Variants in SCP2 observed in about 807,000 individuals in gnomAD.
SCP2 encodes sterol carrier protein 2, also known as SCP-2/3-oxoacyl-CoA thiolase.
In SCP2, 48 loss-of-function variants were observed where a neutral mutation model predicts 71.4. That is an observed-to-expected ratio of 0.67 (90% CI 0.53 to 0.86). The LOEUF (loss-of-function observed/expected upper bound fraction) is 0.86, where lower values mean the gene tolerates loss of function less well. SCP2 is among the 40% of genes least tolerant of loss of function. The pLI, the probability that SCP2 is intolerant of heterozygous loss-of-function variation, is 0.00. For synonymous variants in SCP2, 220 were observed against 218.1 expected, an observed-to-expected ratio of 1.01 and a Z score of -0.08; for missense variants, 560 against 655.6, an observed-to-expected ratio of 0.85 and a Z score of 1.59.
chr1:52,959,835 AT>A (rs1189193418), intron 5 of SCP2, among the ~76,000 whole-genome samples: 2 of 150,666 alleles, frequency 1.3e-5, no homozygotes, highest in Admixed American at 6.6e-5. Flanking sequence ...TGTCAGGGTG[AT>A]CATGGAAAAA....
intron 5 of SCP2, among the ~76,000 whole-genome samples, chr1:52,959,226 A>C (rs1656102100): frequency 6.8e-6 from 1 of 147,666 alleles, no homozygotes; most frequent in African/African-American, 2.5e-5. Flanking sequence ...ATGGAATTTC[A>C]CTCTTGTTGC....
chr1:53,046,865 A>G (rs953211354), intron 14 of SCP2, among the ~76,000 whole-genome samples: 1 of 152,186 alleles, frequency 6.6e-6, no homozygotes, highest in African/African-American at 2.4e-5. Flanking sequence ...TTCATTTTCT[A>G]TTACTGCATA....
At chr1:52,980,905 A>G (rs910226019) in intron 10 of SCP2, among the ~76,000 whole-genome samples, 1 of 152,154 alleles carries the variant, frequency 6.6e-6, no homozygotes, top group African/African-American at 2.4e-5. Context: ...TATCTCTTAT[A>G]GGCAGCATGT....
intron 11 of SCP2, among the ~76,000 whole-genome samples, chr1:53,004,996 G>T (rs1010813235): frequency 6.6e-6 from 1 of 152,196 alleles, no homozygotes; most frequent in Non-Finnish European, 1.5e-5. Context: ...TGGCTTGGAG[G>T]GTCCCACACC....
intron 5 of SCP2, among the ~76,000 whole-genome samples, chr1:52,960,742 G>GTGTGTGTATA (rs1261130450): frequency 4.0e-5 from 6 of 149,140 alleles, no homozygotes; most frequent in African/African-American, 1.5e-4. Context: ...GTGTGTGTGT[G>GTGTGTGTATA]TATATTTATT....
At chr1:52,973,463 C>T (rs761054615) in intron 6 of SCP2, among the ~76,000 whole-genome samples, 34 of 152,094 alleles carry the variant, frequency 2.2e-4, no homozygotes, top group South Asian at 4.1e-4. Context: ...AATTTTCTTG[C>T]TGCTGTCCAG....
In SCP2 at chr1:52,936,429, A is replaced by T. The variant is rs181210471; in HGVS notation, c.70-5367A>T. Reference sequence around the variant, plus strand: ...CAGATATATGCTTCCTAATGAAAGAATACACTACCACCTATAGTTTTGTCA... The same window carrying T: ...CAGATATATGCTTCCTAATGAAAGATTACACTACCACCTATAGTTTTGTCA... On this transcript the variant is annotated intron_variant, in intron 1 of 15. Coordinates refer to ENST00000371514, the MANE Select transcript of SCP2 (RefSeq NM_002979.5). 3.3e-5 allele frequency among the ~76,000 whole-genome samples: 5 copies of T among 152,350 alleles called. 1 individual carries two copies. The highest frequency in any genetic ancestry group is 1.2e-4 in the African/African-American group (5 of 41,580).
intron 3 of SCP2, among the ~76,000 whole-genome samples, chr1:52,949,464 A>G (rs1473677295): frequency 6.6e-6 from 1 of 152,220 alleles, no homozygotes; most frequent in African/African-American, 2.4e-5. Flanking sequence ...TCCTGCAGAA[A>G]GGGTACACTC....
At chr1:52,957,633 C>T (rs1042805048) in intron 5 of SCP2, among the ~76,000 whole-genome samples, 4 of 152,228 alleles carry the variant, frequency 2.6e-5, no homozygotes, top group Admixed American at 1.3e-4. Context: ...TGTGCCACTG[C>T]ACCCCAACCT....
intron 14 of SCP2, among the ~76,000 whole-genome samples, chr1:53,046,150 T>C (rs1045276954): frequency 7.2e-5 from 11 of 152,178 alleles, no homozygotes; most frequent in African/African-American, 2.4e-4. Context: ...GGACGTAAGT[T>C]TTCATTTTTC....
chr1:53,035,206 G>C (rs1484377010), intron 13 of SCP2, among the ~76,000 whole-genome samples: 2 of 151,928 alleles, frequency 1.3e-5, no homozygotes, highest in African/African-American at 2.4e-5. Flanking sequence ...GGAAATAAAA[G>C]CTATTAGAAA....
At chr1:52,968,627 C>G (rs1333511864) in intron 6 of SCP2, among the ~76,000 whole-genome samples, 2 of 152,094 alleles carry the variant, frequency 1.3e-5, no homozygotes, top group African/African-American at 4.8e-5. Flanking sequence ...AAAAATGAAA[C>G]CCTGTACCCA....
chr1:52,981,531 G>A (rs138394394), intron 10 of SCP2, among the ~76,000 whole-genome samples: 54 of 151,648 alleles, frequency 3.6e-4, no homozygotes, highest in African/African-American at 1.3e-3. Flanking sequence ...CTGCCTCCTG[G>A]GTTCAAGCAG....
chr1:52,994,373 TACA>T, intron 11 of SCP2: 1 of 773,182 alleles, frequency 1.3e-6, no homozygotes, highest in Middle Eastern at 6.8e-4. Flanking sequence ...CTTGTTGACA[TACA>T]ACTTTTTTCT....
At chr1:52,967,426 AT>A (rs1657071686) in intron 6 of SCP2, among the ~76,000 whole-genome samples, 2 of 152,124 alleles carry the variant, frequency 1.3e-5, no homozygotes, top group African/African-American at 2.4e-5. Context: ...AGATTTTCAA[AT>A]CAATTTGTAT....
intron 13 of SCP2, among the ~76,000 whole-genome samples, chr1:53,036,923 C>T (rs574454715): frequency 8.5e-5 from 13 of 152,112 alleles, no homozygotes; most frequent in Non-Finnish European, 1.8e-4. Flanking sequence ...CAGTGGATCA[C>T]TTGAGGTCAG....
chr1:53,022,180 A>G (rs1478833280), intron 12 of SCP2, among the ~76,000 whole-genome samples: 1 of 152,118 alleles, frequency 6.6e-6, no homozygotes. Context: ...TTCTGTCTCT[A>G]TGGATTTGCC....
At chr1:52,976,172 C>A (rs1307757689) in intron 7 of SCP2, among the ~76,000 whole-genome samples, 1 of 152,128 alleles carries the variant, frequency 6.6e-6, no homozygotes, top group Non-Finnish European at 1.5e-5. Flanking sequence ...AGACGTTCAC[C>A]AATCAGGAAG....
chr1:53,017,436 C>T (rs1661413701), intron 12 of SCP2, among the ~76,000 whole-genome samples: 2 of 152,184 alleles, frequency 1.3e-5, no homozygotes, highest in South Asian at 4.1e-4. Context: ...TGCAGAGTGT[C>T]ATGTGAATGG....
Sources: gnomAD v4.1 joint callset for allele counts (sites outside exome capture counted in the v4.1 genomes callset) on GRCh38, gnomAD v4.1.1 for gene constraint, MANE v1.5 for transcripts, NCBI Gene and HGNC (gene_info 2026-07-23, HGNC 2026-07-21) for gene names.